NTRK1: variants seen among roughly 807,000 people sequenced by gnomAD.
NTRK1 encodes the protein neurotrophic receptor tyrosine kinase 1.
NTRK1 carries 62 observed loss-of-function variants against 86.8 expected under a neutral mutation model. The ratio of observed to expected loss-of-function variants is 0.71; its 90% CI spans 0.58 to 0.88. The LOEUF is 0.88. NTRK1 is among the 40% of genes least tolerant of loss of function. NTRK1 has a pLI of 0.00. For missense variants in NTRK1, 967 were observed against 1,078.4 expected, an observed-to-expected ratio of 0.90 and a Z score of 1.45; for synonymous variants, 469 against 456.6, an observed-to-expected ratio of 1.03 and a Z score of -0.35.
At position 156,876,162 on chromosome 1, in the gene NTRK1, G is replaced by T; in HGVS notation, c.1584G>T (p.Glu528Asp). 1 of 1,614,172 alleles carries T rather than the reference G, an allele frequency of 6.2e-7. No homozygotes were observed. Among genetic ancestry groups the T allele is most frequent in the Non-Finnish European group, 8.5e-7 (1 of 1,180,022 alleles). The change falls in exon 13 of 17, where the codon GAG (glutamate) becomes GAT (aspartate). Residue 528 changes from glutamate to aspartate, a missense_variant. Transcript: ENST00000524377. ...CCTTTGGGAAGGTCTTCCTTGCTGA[G>T]TGCCACAACCTCCTGCCTGAGCAGG... ...EGAFGKVFLA[E>D]CHNLLPEQDK...
intron 8 of NTRK1, 124 bp downstream of exon 8, chr1:156,874,083 G>T (rs2102907226): frequency 9.6e-7 from 1 of 1,039,542 alleles, no homozygotes; most frequent in South Asian, 1.5e-5. Context: ...GGAGTCTGGA[G>T]TCCTGGTGTC....
intron 2 of NTRK1, chr1:156,844,327 C>T: frequency 1.3e-6 from 2 of 1,570,830 alleles, no homozygotes; most frequent in Non-Finnish European, 1.7e-6. Context: ...ATGTAGAAGT[C>T]AGAGGGAAGG....
At chr1:156,816,780 A>G (rs1424017027) in intron 1 of NTRK1, 1 of 1,387,548 alleles carries the variant, frequency 7.2e-7, no homozygotes, top group African/African-American at 1.5e-5. Flanking sequence ...ACACTCAGCA[A>G]CTCATCATCT....
At chr1:156,841,177 G>A (rs552439453) in intron 1 of NTRK1, 138 of 1,224,438 alleles carry the variant, frequency 1.1e-4, no homozygotes, top group Non-Finnish European at 1.5e-4. Context: ...TGCACTGAGG[G>A]TCAGTTGGTG....
chr1:156,849,046 G>A, intron 2 of NTRK1: 1 of 1,612,800 alleles, frequency 6.2e-7, no homozygotes, highest in Non-Finnish European at 8.5e-7. Flanking sequence ...TGCGAGTCTG[G>A]CCTGGGTGGG....
intron 5 of NTRK1, 61 bp downstream of exon 5, chr1:156,868,310 G>A: frequency 6.3e-7 from 1 of 1,591,528 alleles, no homozygotes; most frequent in East Asian, 2.2e-5. Flanking sequence ...CCTGCCTGAG[G>A]GAGAGGGCAC....
chr1:156,816,275 G>C (rs1653922215), intron 1 of NTRK1: 4 of 565,008 alleles, frequency 7.1e-6, no homozygotes, highest in African/African-American at 2.0e-5. Flanking sequence ...AAGGCGGCAT[G>C]GGGGGCTAAT....
chr1:156,857,986 G>C (rs1655469713), upstream of NTRK1, among the ~76,000 whole-genome samples: 1 of 152,072 alleles, frequency 6.6e-6, no homozygotes, highest in African/African-American at 2.4e-5. Flanking sequence ...CTGGGGTGTT[G>C]AGGAAGAGCA....
At chr1:156,860,691 C>A (rs1655593919), upstream of NTRK1, 2 of 613,348 alleles carry the variant, frequency 3.3e-6, no homozygotes, top group Admixed American at 4.3e-5. Context: ...TGAGGCGGAT[C>A]CTCGGGGAGA....
At chr1:156,880,358 G>A (rs1384638767) in intron 16 of NTRK1, 3 of 634,832 alleles carry the variant, frequency 4.7e-6, no homozygotes, top group Admixed American at 5.7e-5. Context: ...TTCACCTACT[G>A]TCCTAAGCCC....
At position 156,881,494 on chromosome 1, in the gene NTRK1, G is replaced by A. The variant is rs745776726; in HGVS notation, c.2243G>A (p.Arg748Gln). Residue 748 changes from arginine to glutamine, a missense_variant, in exon 17 of 17, where the codon CGG (arginine) becomes CAG (glutamine). By Grantham distance (43) the Arg-to-Gln change is conservative. Coordinates refer to ENST00000524377, the MANE Select transcript of NTRK1 (RefSeq NM_002529.4). ...DCITQGRELE[R>Q]PRACPPEVYA... ...ATCACGCAGGGACGTGAGTTGGAGCGGCCACGTGCCTGCCCACCAGAGGTC... is the reference window on the plus strand; with the variant it reads ...ATCACGCAGGGACGTGAGTTGGAGCAGCCACGTGCCTGCCCACCAGAGGTC... The A allele has an allele frequency of 4.4e-6, 7 of 1,588,834 alleles. No homozygotes were observed. In the Middle Eastern group the frequency reaches 6.6e-4, roughly 151 times the overall value.
chr1:156,824,878 C>T (rs1654280282), intron 1 of NTRK1, among the ~76,000 whole-genome samples: 1 of 152,072 alleles, frequency 6.6e-6, no homozygotes. Flanking sequence ...ACAGCCTGAA[C>T]GGCGGTAGGG....
chr1:156,854,157 G>A lies in NTRK1; in HGVS notation c.51-10197G>A, dbSNP rs928953261. ...AAGAGCAGCAGGTAGTCGGTGACCTGGGTGAGGCGAGGGAAGCTGAGGCCG... is the reference window on the plus strand; with the variant it reads ...AAGAGCAGCAGGTAGTCGGTGACCTAGGTGAGGCGAGGGAAGCTGAGGCCG... On this transcript the variant is annotated intron_variant, in intron 2 of 16. Coordinates refer to the NTRK1 transcript ENST00000392302. This position sits in a 1 kb window ranked among gnomAD's most constrained non-coding sequence, Gnocchi z 4.2. 6.2e-7 allele frequency: 1 copy of A among 1,614,148 alleles called. No homozygotes were observed. Among genetic ancestry groups the A allele is most frequent in the African/African-American group, 1.3e-5 (1 of 75,066 alleles).
intron 2 of NTRK1, among the ~76,000 whole-genome samples, chr1:156,849,827 T>G (rs1445795030): frequency 6.6e-6 from 1 of 151,732 alleles, no homozygotes; most frequent in Non-Finnish European, 1.5e-5. Flanking sequence ...CCTTTCCAGC[T>G]GAGGTGTGGA....
intron 14 of NTRK1, among the ~76,000 whole-genome samples, chr1:156,876,830 T>G (rs1243180819): frequency 6.6e-6 from 1 of 151,756 alleles, no homozygotes; most frequent in Non-Finnish European, 1.5e-5. Flanking sequence ...AACTTTGGGG[T>G]GGGTGGGCTT....
chr1:156,815,957 G>A, intron 1 of NTRK1: 1 of 1,559,904 alleles, frequency 6.4e-7, no homozygotes, highest in Non-Finnish European at 8.7e-7. Flanking sequence ...TGGGAGGGTG[G>A]GAGAGATGAG....
At chr1:156,838,703 C>T (rs1480963549) in intron 1 of NTRK1, among the ~76,000 whole-genome samples, 1 of 152,248 alleles carries the variant, frequency 6.6e-6, no homozygotes, top group Non-Finnish European at 1.5e-5. Context: ...CCCAGAAGTA[C>T]TTCTGGGCCA....
At chr1:156,830,788 C>T (rs1189882733) in intron 1 of NTRK1, among the ~76,000 whole-genome samples, 1 of 152,174 alleles carries the variant, frequency 6.6e-6, no homozygotes, top group Non-Finnish European at 1.5e-5. Flanking sequence ...CTCCTGACCT[C>T]AGGTGATCCG....
At chr1:156,866,657 C>T (rs1270967552) in intron 3 of NTRK1, among the ~76,000 whole-genome samples, 1 of 152,144 alleles carries the variant, frequency 6.6e-6, no homozygotes, top group Admixed American at 6.5e-5. Context: ...GATCCCCCTC[C>T]CTGGGGTCTG....
Sources: gnomAD v4.1 joint callset for allele counts (sites outside exome capture counted in the v4.1 genomes callset) on GRCh38, gnomAD v4.1.1 for gene constraint, Gnocchi (gnomAD v3.1) non-coding constraint, MANE v1.5 for transcripts, NCBI Gene and HGNC (gene_info 2026-07-23, HGNC 2026-07-21) for gene names.